ASCC3: variants seen among roughly 807,000 people sequenced by gnomAD.
The protein encoded by ASCC3 is activating signal cointegrator 1 complex subunit 3, also known as ASC-1 complex subunit P200.
A neutral mutation model predicts 256.3 loss-of-function variants in ASCC3; 158 were observed. The observed-to-expected ratio is 0.62, with a 90% CI of 0.54 to 0.70. The LOEUF (loss-of-function observed/expected upper bound fraction) is 0.70. Ranked by LOEUF, ASCC3 falls within the 30% of genes least tolerant of loss-of-function variation. The pLI is 0.00. For synonymous variants in ASCC3, 948 were observed against 883.4 expected (o/e 1.07, Z -1.30); for missense variants, 2,259 against 2,626.0 (o/e 0.86, Z 3.05).
chr6:100,520,604 T>C (rs1393852293), intron 37 of ASCC3, among the ~76,000 whole-genome samples: 2 of 152,168 alleles, frequency 1.3e-5, no homozygotes, highest in Non-Finnish European at 1.5e-5. Flanking sequence ...CAATAACGAA[T>C]GAACCTGCAT....
At chr6:100,655,894 G>A (rs1436030077) in intron 16 of ASCC3, 76 bp from the exon 17 acceptor site, 1 of 1,540,922 alleles carries the variant, frequency 6.5e-7, no homozygotes, top group Non-Finnish European at 8.9e-7. Flanking sequence ...CATTCTGTCA[G>A]AGGTGAAGTT....
intron 8 of ASCC3, among the ~76,000 whole-genome samples, chr6:100,780,960 G>C (rs1782417079): frequency 6.6e-6 from 1 of 152,144 alleles, no homozygotes; most frequent in African/African-American, 2.4e-5. Context: ...ATTCCCTAAA[G>C]TGCTAAACAA....
At chr6:100,569,562 T>G (rs1435167630) in intron 36 of ASCC3, among the ~76,000 whole-genome samples, 1 of 152,058 alleles carries the variant, frequency 6.6e-6, no homozygotes, top group African/African-American at 2.4e-5. Flanking sequence ...TTTTGTATTT[T>G]TTTAGTAGAG....
rs765969600 is a variant in ASCC3, at chr6:100,652,735, T to C, written c.2978A>G (p.Asn993Ser). 29 of 1,613,338 alleles carry C rather than the reference T, an allele frequency of 1.8e-5. No individual in the cohort carries two copies. Among genetic ancestry groups the C allele is most frequent in the South Asian group, 1.1e-5 (1 of 91,068 alleles). ...RTASHYYIKY[N>S]TIETFNELFD... ...GCATTAGTATAATACCTCAATGGTG[T>C]TGTATTTAATATAGTAATGGCTGGC... The change falls in exon 18 of 42, where the codon AAC becomes AGC. Residue 993 changes from asparagine (N) to serine (S), a missense_variant. Around this residue, in one of 2 missense-constraint regions of ASCC3, gnomAD observed 1,839 missense variants for 2,206.7 expected, o/e 0.83. Coordinates refer to ENST00000369162, the MANE Select transcript of ASCC3 (RefSeq NM_006828.4).
intron 34 of ASCC3, among the ~76,000 whole-genome samples, chr6:100,590,511 C>T (rs548445052): frequency 1.3e-5 from 2 of 152,202 alleles, no homozygotes; most frequent in East Asian, 1.9e-4. Flanking sequence ...AGGGACTACA[C>T]CCATAATCTT....
At chr6:100,769,728 C>T (rs116634230) in intron 8 of ASCC3, among the ~76,000 whole-genome samples, 171 of 151,576 alleles carry the variant, frequency 1.1e-3, no homozygotes, top group African/African-American at 4.0e-3. Context: ...AGAGAAGACA[C>T]CAATTATCAA....
At chr6:100,661,440 T>C (rs1562207129) in intron 16 of ASCC3, among the ~76,000 whole-genome samples, 1 of 151,744 alleles carries the variant, frequency 6.6e-6, no homozygotes, top group South Asian at 2.1e-4. Flanking sequence ...AAAAGAGTTT[T>C]ATAAATTTCA....
intron 36 of ASCC3, among the ~76,000 whole-genome samples, chr6:100,540,923 A>AT (rs1380864313): frequency 1.3e-5 from 2 of 152,152 alleles, no homozygotes; most frequent in African/African-American, 4.8e-5. Flanking sequence ...AAAGAGCAGA[A>AT]TTATTACTTA....
chr6:100,605,059 T>C (rs2114802993), intron 33 of ASCC3, among the ~76,000 whole-genome samples: 2 of 152,296 alleles, frequency 1.3e-5, no homozygotes, highest in South Asian at 4.1e-4. Context: ...GCCTAAATCA[T>C]TAATTACATG....
chr6:100,604,567 C>A (rs986517000), intron 33 of ASCC3, among the ~76,000 whole-genome samples: 4 of 151,828 alleles, frequency 2.6e-5, no homozygotes, highest in Non-Finnish European at 5.9e-5. Flanking sequence ...CCTCCTGCTG[C>A]CTCAGGACCA....
In ASCC3 at chr6:100,589,987, C is replaced by T. The variant is rs760187392; in HGVS notation, c.5376G>A (p.Leu1792=). The T allele has an allele frequency of 1.2e-6, 2 of 1,613,500 alleles. No homozygotes were observed. Among genetic ancestry groups the T allele is most frequent in the East Asian group, 4.5e-5 (2 of 44,834 alleles). ...KFLSHLIEKS[L]IELELSYCIE... ...TACAGTAGGAAAGTTCCAATTCAAT[C>T]AGGGACTTCTCAATCAGATGGGACA... Residue 1792 remains leucine, a synonymous_variant, in exon 35 of 42, where the codon CTG becomes CTA. Transcript: ENST00000369162.
rs538995061 is a variant in ASCC3, at chr6:100,666,958, G to C, written c.2287-4422C>G. On this transcript the variant is annotated intron_variant, in intron 14 of 41. Transcript: ENST00000369162. ...CAAAGAAATTTAAGACAAAATCTGAGCTTTGGATAATTTGCAGACTGGTAA... is the reference window on the plus strand; with the variant it reads ...CAAAGAAATTTAAGACAAAATCTGACCTTTGGATAATTTGCAGACTGGTAA... Among the ~76,000 whole-genome samples the C allele has an allele frequency of 1.1e-3, 161 of 152,218 alleles. 1 individual carries two copies. Among genetic ancestry groups the C allele is most frequent in the African/African-American group, 2.8e-3 (116 of 41,552 alleles).
At chr6:100,803,910 T>C (rs1156525858) in intron 5 of ASCC3, among the ~76,000 whole-genome samples, 1 of 152,146 alleles carries the variant, frequency 6.6e-6, no homozygotes, top group Non-Finnish European at 1.5e-5. Flanking sequence ...TACGCTCATA[T>C]ACTTTTTTAA....
chr6:100,848,681 T>C lies in ASCC3; in HGVS notation c.268A>G (p.Ile90Val), dbSNP rs1407664571. Reference protein sequence around the residue: ...IVGTDNGREAIESGAAFLFMT... With the variant: ...IVGTDNGREAVESGAAFLFMT... ...AAGAGAAATGCAGCCCCACTTTCAATTGCTTCTCTCCCATTATCAGTTCCA... is the reference window on the plus strand; with the variant it reads ...AAGAGAAATGCAGCCCCACTTTCAACTGCTTCTCTCCCATTATCAGTTCCA... Residue 90 changes from isoleucine (I) to valine (V), a missense_variant, in exon 4 of 42, where the codon ATT (isoleucine) becomes GTT (valine). Around this residue, in one of 2 missense-constraint regions of ASCC3, gnomAD observed 420 missense variants for 419.3 expected, o/e 1.00. Coordinates refer to ENST00000369162, the MANE Select transcript of ASCC3 (RefSeq NM_006828.4). 2 of 1,613,234 alleles carry C rather than the reference T, an allele frequency of 1.2e-6. No homozygotes were observed. The highest frequency in any genetic ancestry group is 1.1e-5 in the South Asian group (1 of 91,078).
At chr6:100,775,935 A>G (rs1213679558) in intron 8 of ASCC3, among the ~76,000 whole-genome samples, 2 of 152,042 alleles carry the variant, frequency 1.3e-5, no homozygotes, top group African/African-American at 2.4e-5. Context: ...ATTAACATCC[A>G]TTATGCATAG....
chr6:100,640,038 C>T (rs979035402), intron 24 of ASCC3, among the ~76,000 whole-genome samples: 1 of 152,068 alleles, frequency 6.6e-6, no homozygotes, highest in Non-Finnish European at 1.5e-5. Flanking sequence ...TCGCTTGAAC[C>T]CGGCGAGTGG....
Position 100,767,346 on chromosome 6 carries a change from CT to C in ASCC3, c.1396-2del. On this transcript the variant is annotated splice_acceptor_variant, in intron 8 of 41. Coordinates refer to ENST00000369162, the MANE Select transcript of ASCC3 (RefSeq NM_006828.4). LOFTEE classifies it high-confidence loss of function. ...TTCCTTTAAAAGCCAGCTGTCCGAT[CT>C]AAAAAAAAAAGGCATCACCCATTAT... The C allele has an allele frequency of 2.0e-6, 3 of 1,468,620 alleles. No homozygotes were observed. Among genetic ancestry groups the C allele is most frequent in the Non-Finnish European group, 2.7e-6 (3 of 1,111,936 alleles). 91.0% of individuals were successfully genotyped at this position (1,468,620 alleles called of 1,614,324 possible).
intron 13 of ASCC3, among the ~76,000 whole-genome samples, chr6:100,696,414 A>G (rs897527440): frequency 3.3e-5 from 5 of 152,154 alleles, no homozygotes; most frequent in African/African-American, 1.2e-4. Flanking sequence ...TTAATAAAAA[A>G]TACTCTGTTC....
At chr6:100,669,048 GTGTT>G (rs1776611461) in intron 14 of ASCC3, among the ~76,000 whole-genome samples, 1 of 151,354 alleles carries the variant, frequency 6.6e-6, no homozygotes, top group South Asian at 2.1e-4. Flanking sequence ...TGTAGATAAA[GTGTT>G]TATTTAGAAA....
Sources: gnomAD v4.1 joint callset for allele counts (sites outside exome capture counted in the v4.1 genomes callset) on GRCh38, gnomAD v4.1.1 for gene constraint, gnomAD v4.1.1 regional missense constraint, MANE v1.5 for transcripts, NCBI Gene and HGNC (gene_info 2026-07-23, HGNC 2026-07-21) for gene names.